ANGPT1: variants seen among roughly 807,000 people sequenced by gnomAD.
ANGPT1 encodes the protein angiopoietin 1, also known as angiopoietin-1.
ANGPT1 carries 17 observed loss-of-function variants against 62.2 expected under a neutral mutation model. The observed-to-expected ratio is 0.27, with a 90% CI of 0.19 to 0.41. ANGPT1 has a LOEUF of 0.41. ANGPT1 is among the 10% of genes least tolerant of loss of function. The pLI is 1.00. For synonymous variants in ANGPT1, 199 were observed against 198.9 expected, an observed-to-expected ratio of 1.00 and a Z score of 0.00; for missense variants, 478 against 594.9, an observed-to-expected ratio of 0.80 and a Z score of 2.04.
chr8:107,298,767 C>T (rs898112808), intron 5 of ANGPT1, among the ~76,000 whole-genome samples: 2 of 151,728 alleles, frequency 1.3e-5, no homozygotes, highest in African/African-American at 4.8e-5. Flanking sequence ...TTTAATAACC[C>T]TAGTTTATTT....
At chr8:107,390,299 T>G (rs183612227) in intron 1 of ANGPT1, among the ~76,000 whole-genome samples, 30 of 152,274 alleles carry the variant, frequency 2.0e-4, no homozygotes, top group African/African-American at 6.3e-4. Context: ...AACCTAATAC[T>G]GGCCTTGTAA....
intron 1 of ANGPT1, among the ~76,000 whole-genome samples, chr8:107,389,959 C>CAA (rs777080459): frequency 0.3 from 45,706 of 151,024 alleles, 7,987 homozygotes; most frequent in East Asian, 0.58. Flanking sequence ...AATCATGCTG[C>CAA]AGTAAGCTCT....
At chr8:107,429,878 T>G (rs1482793535) in intron 1 of ANGPT1, among the ~76,000 whole-genome samples, 1 of 121,650 alleles carries the variant, frequency 8.2e-6, no homozygotes. Context: ...TTATTGTGAT[T>G]AACATAAAAG....
intron 1 of ANGPT1, among the ~76,000 whole-genome samples, chr8:107,482,073 A>G (rs1280942905): frequency 6.6e-6 from 1 of 152,240 alleles, no homozygotes; most frequent in Non-Finnish European, 1.5e-5. Context: ...GATGGCTGGT[A>G]TCACGGCTTA....
intron 1 of ANGPT1, among the ~76,000 whole-genome samples, chr8:107,426,470 C>G (rs926675797): frequency 6.6e-6 from 1 of 152,154 alleles, no homozygotes; most frequent in African/African-American, 2.4e-5. Flanking sequence ...TCTATTTAAA[C>G]ATGAAGACAC....
intron 7 of ANGPT1, among the ~76,000 whole-genome samples, chr8:107,282,552 C>CTATATATATATA (rs1814036865): frequency 3.9e-5 from 1 of 25,884 alleles, no homozygotes; most frequent in African/African-American, 1.3e-4. Context: ...CATATATGAA[C>CTATATATATATA]CATATATATA....
At chr8:107,263,473 T>A (rs1250899399) in intron 8 of ANGPT1, among the ~76,000 whole-genome samples, 2 of 151,826 alleles carry the variant, frequency 1.3e-5, no homozygotes, top group Non-Finnish European at 2.9e-5. Context: ...AGACTATGGA[T>A]AAGGGTTTTT....
chr8:107,323,663 CATGGTAG>C (rs1190501095), intron 3 of ANGPT1, among the ~76,000 whole-genome samples: 2 of 152,144 alleles, frequency 1.3e-5, no homozygotes, highest in Non-Finnish European at 2.9e-5. Context: ...GATGGATCAG[CATGGTAG>C]ATGGTGATGA....
chr8:107,317,670 G>GC (rs1815050484), intron 4 of ANGPT1, among the ~76,000 whole-genome samples: 1 of 146,326 alleles, frequency 6.8e-6, no homozygotes, highest in South Asian at 2.2e-4. Flanking sequence ...TTACTCTGTT[G>GC]CCCAGGCTGG....
intron 4 of ANGPT1, among the ~76,000 whole-genome samples, chr8:107,320,649 G>A (rs1232963065): frequency 1.3e-5 from 2 of 151,958 alleles, no homozygotes; most frequent in South Asian, 2.1e-4. Context: ...ACATTACTGA[G>A]CACACCCAAA....
At chr8:107,346,772 C>CA (rs917308686) in intron 2 of ANGPT1, among the ~76,000 whole-genome samples, 170 bp downstream of exon 2, 9 of 151,382 alleles carry the variant, frequency 5.9e-5, no homozygotes, top group Non-Finnish European at 7.4e-5. Flanking sequence ...CTCATTAGAT[C>CA]AAAAAAAACA....
At chr8:107,474,131 C>T (rs1180501542) in intron 1 of ANGPT1, among the ~76,000 whole-genome samples, 1 of 151,766 alleles carries the variant, frequency 6.6e-6, no homozygotes, top group Non-Finnish European at 1.5e-5. Context: ...AGAGACACAA[C>T]AAAAAAAGAG....
intron 1 of ANGPT1, among the ~76,000 whole-genome samples, chr8:107,385,043 G>A (rs1027323769): frequency 2.0e-4 from 30 of 152,210 alleles, no homozygotes; most frequent in African/African-American, 7.0e-4. Context: ...TTGAAGTCCA[G>A]TAGTGTGAAA....
At position 107,303,335 on chromosome 8, in the gene ANGPT1, T is replaced by C; in HGVS notation, c.841A>G (p.Lys281Glu). 1 of 1,603,400 alleles carries C rather than the reference T, an allele frequency of 6.2e-7. No individual in the cohort carries two copies. The highest frequency in any genetic ancestry group is 8.5e-7 in the Non-Finnish European group (1 of 1,174,736). ...LLKGGKREEE[K>E]PFRDCADVYQ... is the part of the protein sequence containing the mutation. Reference sequence around the variant, plus strand: ...ACATCTGCACAGTCTCTAAATGGTTTCTCTTCCTCTCTTTTTCCTCCCTTT... The same window carrying C: ...ACATCTGCACAGTCTCTAAATGGTTCCTCTTCCTCTCTTTTTCCTCCCTTT... The change falls in exon 5 of 9, where the codon AAA becomes GAA. Residue 281 changes from lysine (K) to glutamate (E), a missense_variant. Coordinates refer to ENST00000517746, the MANE Select transcript of ANGPT1 (RefSeq NM_001146.5).
At chr8:107,383,140 A>G (rs1265337571) in intron 1 of ANGPT1, among the ~76,000 whole-genome samples, 1 of 152,166 alleles carries the variant, frequency 6.6e-6, no homozygotes, top group Non-Finnish European at 1.5e-5. Flanking sequence ...CTGTCTGACC[A>G]CAGTGCACCA....
At chr8:107,299,691 CATACT>C (rs1174064945) in intron 5 of ANGPT1, among the ~76,000 whole-genome samples, 4 of 131,158 alleles carry the variant, frequency 3.0e-5, no homozygotes, top group South Asian at 2.4e-4. Context: ...TATTTAGATA[CATACT>C]ATACTATACT....
chr8:107,385,473 T>C (rs1816715352), intron 1 of ANGPT1, among the ~76,000 whole-genome samples: 1 of 152,158 alleles, frequency 6.6e-6, no homozygotes, highest in African/African-American at 2.4e-5. Context: ...TTTTTGTACA[T>C]TGATTTTGTA....
intron 8 of ANGPT1, among the ~76,000 whole-genome samples, chr8:107,257,949 TCTTTCTTTC>T (rs1412399127): frequency 6.6e-5 from 9 of 135,570 alleles, no homozygotes; most frequent in African/African-American, 1.6e-4. Flanking sequence ...TCTCTCTCTT[TCTTTCTTTC>T]CTTTCTTTCC....
chr8:107,420,722 A>T (rs73702067), intron 1 of ANGPT1, among the ~76,000 whole-genome samples: 2,409 of 152,260 alleles, frequency 0.016, 68 homozygotes, highest in African/African-American at 0.055. Flanking sequence ...ATGGAGGATG[A>T]ATCACAAGAT....
Sources: gnomAD v4.1 joint callset for allele counts (sites outside exome capture counted in the v4.1 genomes callset) on GRCh38, gnomAD v4.1.1 for gene constraint, MANE v1.5 for transcripts, NCBI Gene and HGNC (gene_info 2026-07-23, HGNC 2026-07-21) for gene names.